Variants in STX18 observed in about 807,000 individuals in gnomAD.
The protein encoded by STX18 is syntaxin 18, also known as syntaxin-18.
In STX18, 40 loss-of-function variants were observed where a neutral mutation model predicts 50.1. That is an observed-to-expected ratio of 0.80 (90% CI 0.62 to 1.04). The LOEUF (loss-of-function observed/expected upper bound fraction) is 1.04, where lower values mean the gene tolerates loss of function less well. Ranked by LOEUF, STX18 falls within the 50% of genes least tolerant of loss-of-function variation. The pLI, the probability that STX18 is intolerant of heterozygous loss-of-function variation, is 0.00. For synonymous variants in STX18, 158 were observed against 151.8 expected (o/e 1.04, Z -0.30); for missense variants, 410 against 415.8 (o/e 0.99, Z 0.12).
At chr4:4,539,936 A>G (rs1195980355) in intron 1 of STX18, among the ~76,000 whole-genome samples, 1 of 152,114 alleles carries the variant, frequency 6.6e-6, no homozygotes, top group African/African-American at 2.4e-5. Context: ...CAAAATTAGC[A>G]CAGTGTTAAT....
At chr4:4,488,384 T>C (rs560420499) in intron 1 of STX18, among the ~76,000 whole-genome samples, 2 of 152,320 alleles carry the variant, frequency 1.3e-5, no homozygotes, top group Admixed American at 1.3e-4. Context: ...CATACACCTA[T>C]AGAAGTGCGA....
intron 1 of STX18, among the ~76,000 whole-genome samples, chr4:4,539,656 T>C (rs541680397): frequency 6.6e-6 from 1 of 152,336 alleles, no homozygotes; most frequent in Non-Finnish European, 1.5e-5. Context: ...TGCATTGTCA[T>C]GCGGTCCAAC....
chr4:4,462,195 A>C (rs1371149931), intron 2 of STX18, among the ~76,000 whole-genome samples: 1 of 152,144 alleles, frequency 6.6e-6, no homozygotes, highest in South Asian at 2.1e-4. Context: ...CTCTGGCAGG[A>C]AACAGAGGTG....
intron 1 of STX18, among the ~76,000 whole-genome samples, chr4:4,532,800 C>G (rs1731162352): frequency 6.6e-6 from 1 of 152,198 alleles, no homozygotes; most frequent in Non-Finnish European, 1.5e-5. Context: ...TATGCTGTAG[C>G]CTGTTACTTC....
intron 1 of STX18, among the ~76,000 whole-genome samples, chr4:4,483,984 C>T (rs986119439): frequency 6.6e-6 from 1 of 152,134 alleles, no homozygotes; most frequent in Non-Finnish European, 1.5e-5. Flanking sequence ...GCCTCAGCCT[C>T]CCGAGTAGCT....
chr4:4,440,423 C>A (rs978803880), intron 5 of STX18, among the ~76,000 whole-genome samples: 1 of 152,192 alleles, frequency 6.6e-6, no homozygotes, highest in African/African-American at 2.4e-5. Flanking sequence ...AGGTCACAGT[C>A]AGCAAATGGC....
At chr4:4,523,653 G>A (rs895018497) in intron 1 of STX18, among the ~76,000 whole-genome samples, 18 of 152,008 alleles carry the variant, frequency 1.2e-4, no homozygotes, top group African/African-American at 3.9e-4. Context: ...CTATAGTAAC[G>A]AGCTGAGTTC....
intron 1 of STX18, among the ~76,000 whole-genome samples, chr4:4,512,609 C>T (rs1480376320): frequency 2.0e-5 from 3 of 152,168 alleles, no homozygotes; most frequent in African/African-American, 7.2e-5. Flanking sequence ...CAGGACATTA[C>T]CAGTCCTGTA....
intron 1 of STX18, among the ~76,000 whole-genome samples, chr4:4,537,695 T>C (rs1731405292): frequency 6.6e-6 from 1 of 152,234 alleles, no homozygotes; most frequent in South Asian, 2.1e-4. Context: ...GGCACCTGCA[T>C]ACCTTTTCTT....
At chr4:4,500,576 C>A (rs796999492) in intron 1 of STX18, among the ~76,000 whole-genome samples, 14 of 152,302 alleles carry the variant, frequency 9.2e-5, no homozygotes, top group African/African-American at 4.8e-5. Flanking sequence ...TGAAACCAAT[C>A]CCCTGAGGAT....
rs997085768 is a variant in STX18 at position 4,470,031 on chromosome 4, C to T, written c.236+1608G>A. ...TCCATAGGACCTATGACCTAATGTACTATACACGTAGTGCTTGTCTTTGCC... is the reference window on the plus strand; with the variant it reads ...TCCATAGGACCTATGACCTAATGTATTATACACGTAGTGCTTGTCTTTGCC... On this transcript the variant is annotated intron_variant, in intron 2 of 10. Coordinates refer to ENST00000306200, the MANE Select transcript of STX18 (RefSeq NM_016930.4). Among the ~76,000 whole-genome samples the T allele has an allele frequency of 2.6e-5, 4 of 152,164 alleles. No individual in the cohort carries two copies. In the East Asian group the frequency reaches 7.7e-4, roughly 29 times the overall value.
chr4:4,445,079 T>C (rs2108799888), intron 5 of STX18, among the ~76,000 whole-genome samples: 1 of 152,240 alleles, frequency 6.6e-6, no homozygotes, highest in South Asian at 2.1e-4. Flanking sequence ...ACATATGGTA[T>C]GATTATGTAT....
chr4:4,528,476 C>T (rs1355613962), intron 1 of STX18, among the ~76,000 whole-genome samples: 1 of 152,190 alleles, frequency 6.6e-6, no homozygotes, highest in Non-Finnish European at 1.5e-5. Flanking sequence ...CCCCCTTCAC[C>T]TCCTGCCATG....
In STX18 at chr4:4,419,866, C is replaced by T. The variant is rs535394367; in HGVS notation, c.*168G>A. On this transcript the variant is annotated 3_prime_UTR_variant, in exon 11 of 11. Transcript: ENST00000306200. ...TGCTAAATGGCTGAACACCATCGGC[C>T]TGGGGTATCCCTTTTTGGGGAATAC... The T allele has an allele frequency of 1.6e-6, 1 of 623,826 alleles. No individual in the cohort carries two copies. The allele number at this position is 623,826 out of a possible 1,614,324, so 38.6% of individuals were successfully genotyped here.
intron 1 of STX18, chr4:4,481,638 C>T (rs1361055079): frequency 5.9e-5 from 9 of 152,276 alleles, no homozygotes; most frequent in Admixed American, 1.3e-4. Flanking sequence ...GACTAAATTC[C>T]GAGTCTAACT....
chr4:4,471,626 A>C lies in STX18; in HGVS notation c.236+13T>G. 1.3e-6 allele frequency: 2 copies of C among 1,532,040 alleles called. No homozygotes were observed. The highest frequency in any genetic ancestry group is 1.8e-6 in the Non-Finnish European group (2 of 1,141,984). The allele number at this position is 1,532,040 out of a possible 1,614,324, so 94.9% of individuals were successfully genotyped here. A position where few individuals can be genotyped will look rare whatever the true frequency, so the allele number is the denominator to read the frequency against. ...ACAGTCACCAAAGTCCTGGTAAAAA[A>C]ATATGTACTTACCTATAAGCATTAA... On this transcript the variant is annotated intron_variant, in intron 2 of 10. Coordinates refer to ENST00000306200, the MANE Select transcript of STX18 (RefSeq NM_016930.4).
chr4:4,472,928 A>C (rs1727993583), intron 1 of STX18, among the ~76,000 whole-genome samples: 2 of 152,206 alleles, frequency 1.3e-5, no homozygotes, highest in Admixed American at 1.3e-4. Context: ...AAAACACCCT[A>C]AGGCATTGTA....
intron 1 of STX18, among the ~76,000 whole-genome samples, chr4:4,487,909 G>T (rs770065101): frequency 1.3e-5 from 2 of 152,016 alleles, no homozygotes; most frequent in Non-Finnish European, 2.9e-5. Flanking sequence ...CTCAACAAAT[G>T]TCTAGGAACA....
intron 6 of STX18, among the ~76,000 whole-genome samples, chr4:4,438,045 C>T (rs1012595354): frequency 6.6e-6 from 1 of 152,228 alleles, no homozygotes; most frequent in Non-Finnish European, 1.5e-5. Flanking sequence ...CCTGGCAGCT[C>T]AGAGCTGACA....
Sources: allele counts gnomAD v4.1 joint callset (sites outside exome capture counted in the v4.1 genomes callset), GRCh38; gene constraint gnomAD v4.1.1; transcripts MANE v1.5; gene names NCBI Gene and HGNC (gene_info 2026-07-23, HGNC 2026-07-21).